Variants in PTPRD observed in about 807,000 individuals in gnomAD.
PTPRD encodes the protein receptor-type tyrosine-protein phosphatase delta.
In PTPRD, 34 loss-of-function variants were observed where a neutral mutation model predicts 214.5. The observed-to-expected ratio is 0.16, with a 90% CI of 0.12 to 0.21. PTPRD has a LOEUF of 0.21. PTPRD is among the 10% of genes least tolerant of loss of function. PTPRD has a pLI of 1.00. For missense variants in PTPRD, 2,545 were observed against 2,398.7 expected, an observed-to-expected ratio of 1.06 and a Z score of -1.27; for synonymous variants, 1,128 against 845.7, an observed-to-expected ratio of 1.33 and a Z score of -5.79.
rs542502514 is a variant in PTPRD, at chr9:9,625,877, A to AG, written c.-286-51097dup. On this transcript the variant is annotated intron_variant, in intron 7 of 45. Coordinates refer to ENST00000381196, the MANE Select transcript of PTPRD (RefSeq NM_002839.4). ...CCAGCTCTCTGGTAGACATTGGTAG[A>AG]GGTTTTTCTCTAGAGCAGGAGTCAG... 6.1e-3 allele frequency among the ~76,000 whole-genome samples: 933 copies of AG among 152,292 alleles called. 7 individuals are homozygous for AG. Among genetic ancestry groups the AG allele is most frequent in the Non-Finnish European group, 0.01 (682 of 68,034 alleles).
chr9:9,744,730 G>T (rs1258935600), intron 6 of PTPRD, among the ~76,000 whole-genome samples: 1 of 151,906 alleles, frequency 6.6e-6, no homozygotes, highest in Non-Finnish European at 1.5e-5. Flanking sequence ...AACAGAAAAA[G>T]AATATAAATC....
intron 11 of PTPRD, among the ~76,000 whole-genome samples, chr9:8,931,303 T>A (rs1242363780): frequency 6.6e-6 from 1 of 151,972 alleles, no homozygotes; most frequent in Non-Finnish European, 1.5e-5. Flanking sequence ...AGGGCTCTGT[T>A]CTGTTCCATT....
At chr9:8,335,166 G>A (rs1175020606) in intron 43 of PTPRD, among the ~76,000 whole-genome samples, 3 of 151,838 alleles carry the variant, frequency 2.0e-5, no homozygotes. Context: ...GCATCATCCT[G>A]ATACCAAAAC....
At chr9:8,765,155 CAT>C (rs1272063924) in intron 11 of PTPRD, among the ~76,000 whole-genome samples, 1 of 152,134 alleles carries the variant, frequency 6.6e-6, no homozygotes, top group Admixed American at 6.6e-5. Flanking sequence ...ACGATTTAAA[CAT>C]ATGTGTAGTA....
chr9:8,407,926 A>C (rs1175419331), intron 35 of PTPRD, among the ~76,000 whole-genome samples: 2 of 152,216 alleles, frequency 1.3e-5, no homozygotes, highest in Non-Finnish European at 2.9e-5. Context: ...ATAACAACTG[A>C]AAGTTGGTGA....
intron 3 of PTPRD, among the ~76,000 whole-genome samples, chr9:10,187,312 A>G (rs1198669595): frequency 6.6e-6 from 1 of 152,198 alleles, no homozygotes; most frequent in Non-Finnish European, 1.5e-5. Context: ...ACTTACATGC[A>G]GTTTACCAAA....
At chr9:9,430,425 A>C (rs560285649) in intron 8 of PTPRD, among the ~76,000 whole-genome samples, 1 of 151,846 alleles carries the variant, frequency 6.6e-6, no homozygotes, top group Non-Finnish European at 1.5e-5. Context: ...ATGGAAGAAC[A>C]TTCCATGTTC....
intron 2 of PTPRD, among the ~76,000 whole-genome samples, chr9:10,607,980 T>A (rs1018111000): frequency 1.3e-5 from 2 of 152,022 alleles, no homozygotes; most frequent in African/African-American, 4.8e-5. Context: ...TGAACAAGGA[T>A]GGAAAACCTC....
chr9:8,337,725 G>T (rs536712770), intron 43 of PTPRD, among the ~76,000 whole-genome samples: 1 of 151,918 alleles, frequency 6.6e-6, no homozygotes, highest in Non-Finnish European at 1.5e-5. Context: ...TCAGATTTAA[G>T]TTGTGCATGT....
intron 5 of PTPRD, among the ~76,000 whole-genome samples, chr9:9,818,014 G>C (rs1431321597): frequency 6.6e-6 from 1 of 152,118 alleles, no homozygotes; most frequent in South Asian, 2.1e-4. Context: ...GCTGATCTTG[G>C]GGAAAGAAGT....
intron 10 of PTPRD, among the ~76,000 whole-genome samples, chr9:9,066,273 G>A (rs907841173): frequency 2.0e-5 from 3 of 151,936 alleles, no homozygotes; most frequent in East Asian, 1.9e-4. Flanking sequence ...AGAAATCACT[G>A]GGGTAAAGTC....
chr9:9,220,111 C>T (rs1466756491), intron 9 of PTPRD, among the ~76,000 whole-genome samples: 1 of 151,974 alleles, frequency 6.6e-6, no homozygotes, highest in Non-Finnish European at 1.5e-5. Context: ...GAACCTTTTC[C>T]TTTAGGTAAC....
intron 4 of PTPRD, among the ~76,000 whole-genome samples, chr9:9,987,838 A>G (rs551759296): frequency 3.3e-5 from 5 of 152,182 alleles, no homozygotes; most frequent in Non-Finnish European, 4.4e-5. Flanking sequence ...TGCAAATTGG[A>G]TGAAGACAAC....
At chr9:10,340,905 T>C (rs780038102) in intron 3 of PTPRD, 58 bp downstream of exon 3, 2 of 151,980 alleles carry the variant, frequency 1.3e-5, no homozygotes, top group Non-Finnish European at 2.9e-5. Flanking sequence ...GCTATTATTA[T>C]GCAATGGATA....
At chr9:8,438,320 T>C (rs2095428080) in intron 34 of PTPRD, among the ~76,000 whole-genome samples, 1 of 152,202 alleles carries the variant, frequency 6.6e-6, no homozygotes, top group Admixed American at 6.5e-5. Flanking sequence ...TGAATTGTGG[T>C]GGTTTAGTTT....
Position 9,868,257 on chromosome 9 carries a change from A to G in PTPRD, c.-368+70250T>C, listed in dbSNP as rs2064488702. Among the ~76,000 whole-genome samples the G allele has an allele frequency of 2.0e-5, 3 of 152,322 alleles. No homozygotes were observed. In the South Asian group the frequency reaches 6.2e-4, roughly 32 times the overall value. ...TCAAAACAAACCTCTAATGTGAGAT[A>G]TCGAAGATGACAGAAAAGAACTTGA... is the stretch of plus-strand genomic sequence containing the variant. On this transcript the variant is annotated intron_variant, in intron 5 of 45. Coordinates refer to ENST00000381196, the MANE Select transcript of PTPRD (RefSeq NM_002839.4).
intron 2 of PTPRD, among the ~76,000 whole-genome samples, chr9:10,502,690 AC>A (rs1481965453): frequency 6.6e-6 from 1 of 152,038 alleles, no homozygotes; most frequent in Non-Finnish European, 1.5e-5. Context: ...AGATACAAAA[AC>A]TGTAATATAT....
intron 3 of PTPRD, among the ~76,000 whole-genome samples, chr9:10,043,046 A>C (rs903281339): frequency 5.9e-5 from 9 of 151,522 alleles, no homozygotes; most frequent in Non-Finnish European, 1.3e-4. Flanking sequence ...CATTCATTGG[A>C]TATTTCTGAA....
rs1341569713 is a variant in PTPRD, at chr9:8,524,209, T to C, written c.680-685A>G. 5.3e-5 allele frequency among the ~76,000 whole-genome samples: 8 copies of C among 152,236 alleles called. No individual in the cohort carries two copies. In the East Asian group the frequency reaches 1.3e-3, roughly 26 times the overall value. On this transcript the variant is annotated intron_variant, in intron 18 of 45. Transcript: ENST00000381196. ...ATTTCTATTACTTCATGAGAACATA[T>C]GAATGTATCCTCATAATTCATTCTT...
Sources: allele counts gnomAD v4.1 joint callset (sites outside exome capture counted in the v4.1 genomes callset), GRCh38; gene constraint gnomAD v4.1.1; transcripts MANE v1.5; gene names NCBI Gene and HGNC (gene_info 2026-07-23, HGNC 2026-07-21).